Variants in MGAT4A observed in about 807,000 individuals in gnomAD.
The protein encoded by MGAT4A is alpha-1,3-mannosyl-glycoprotein 4-beta-N-acetylglucosaminyltransferase A, also known as N-acetylglucosaminyltransferase IVa.
MGAT4A carries 33 observed loss-of-function variants against 74.1 expected under a neutral mutation model. The ratio of observed to expected loss-of-function variants is 0.45; its 90% CI spans 0.34 to 0.60. The LOEUF (loss-of-function observed/expected upper bound fraction) is 0.60, where lower values mean the gene tolerates loss of function less well. Among genes scored for constraint, MGAT4A ranks in the 20% least tolerant of loss-of-function variants. The probability of loss-of-function intolerance (pLI) is 0.02; values close to 1 mark genes in which losing one functional copy is unlikely to be tolerated. For synonymous variants in MGAT4A, 198 were observed against 210.4 expected, an observed-to-expected ratio of 0.94 and a Z score of 0.51; for missense variants, 479 against 628.3, an observed-to-expected ratio of 0.76 and a Z score of 2.54.
In MGAT4A at chr2:98,623,384, C is replaced by G. The variant is rs1390145428; in HGVS notation, c.*2182G>C. The G allele has an allele frequency of 1.0e-6, 1 of 985,276 alleles. No homozygotes were observed. The highest frequency in any genetic ancestry group is 1.2e-6 in the Non-Finnish European group (1 of 829,944). 61.0% of individuals were successfully genotyped at this position (985,276 alleles called of 1,614,324 possible). A position where few individuals can be genotyped will look rare whatever the true frequency, so the allele number is the denominator to read the frequency against. ...CAGAGCATGGTCTTTCTTCATGAAACCAGAGTTGGCAACTGAGGAACCAGG... is the reference window on the plus strand; with the variant it reads ...CAGAGCATGGTCTTTCTTCATGAAAGCAGAGTTGGCAACTGAGGAACCAGG... On this transcript the variant is annotated 3_prime_UTR_variant, in exon 16 of 16. Coordinates refer to ENST00000393487, the MANE Select transcript of MGAT4A (RefSeq NM_012214.3).
intron 2 of MGAT4A, among the ~76,000 whole-genome samples, chr2:98,716,622 C>G (rs184662783): frequency 1.3e-5 from 2 of 152,296 alleles, no homozygotes; most frequent in East Asian, 3.9e-4. Flanking sequence ...GAAACTCCAT[C>G]TCAGAAAAGA....
rs899978938 is a variant in MGAT4A at position 98,622,374 on chromosome 2, G to A, written c.*3192C>T. ...TGGAATGTCACTAGTGTGTGTGATG[G>A]CAGAACCGGGTAAAAAAATGTTTTT... On this transcript the variant is annotated 3_prime_UTR_variant, in exon 16 of 16. Coordinates refer to ENST00000393487, the MANE Select transcript of MGAT4A (RefSeq NM_012214.3). The A allele has an allele frequency of 1.0e-6, 1 of 985,454 alleles. No homozygotes were observed. Among genetic ancestry groups the A allele is most frequent in the Non-Finnish European group, 1.2e-6 (1 of 829,946 alleles). The allele number at this position is 985,454 out of a possible 1,614,324, so 61.0% of individuals were successfully genotyped here.
chr2:98,636,482 T>C (rs1225401702), intron 13 of MGAT4A, 35 bp downstream of exon 13: 1 of 1,500,376 alleles, frequency 6.7e-7, no homozygotes, highest in South Asian at 1.1e-5. Context: ...TAGTATTAGT[T>C]GTTAGGGAAA....
At chr2:98,665,894 C>T (rs1176050687) in intron 4 of MGAT4A, among the ~76,000 whole-genome samples, 2 of 152,190 alleles carry the variant, frequency 1.3e-5, no homozygotes, top group African/African-American at 4.8e-5. Context: ...TCAAGAAATA[C>T]CAAGAGCAGG....
At position 98,675,085 on chromosome 2, in the gene MGAT4A, T is replaced by G; in HGVS notation, c.353A>C (p.Asn118Thr). The G allele has an allele frequency of 6.2e-7, 1 of 1,611,756 alleles. No individual in the cohort carries two copies. Among genetic ancestry groups the G allele is most frequent in the Non-Finnish European group, 8.5e-7 (1 of 1,179,402 alleles). The change falls in exon 4 of 16, where the codon AAT becomes ACT. Residue 118 changes from asparagine (N) to threonine (T), a missense_variant. By Grantham distance (65) the Asn-to-Thr change is moderately conservative (BLOSUM62 0). Around this residue, in one of 3 missense-constraint regions of MGAT4A, gnomAD observed 205 missense variants for 232.7 expected, o/e 0.88. Coordinates refer to ENST00000393487, the MANE Select transcript of MGAT4A (RefSeq NM_012214.3). ...TACAGCAGGTTGAAGACTTCCTTCATTTTTCAATAAATGAGGCAAATGATA... is the reference window on the plus strand; with the variant it reads ...TACAGCAGGTTGAAGACTTCCTTCAGTTTTCAATAAATGAGGCAAATGATA... ...IYYHLPHLLK[N>T]EGSLQPAVQI...
chr2:98,644,131 CA>C (rs971166303), intron 9 of MGAT4A, 78 bp from the exon 10 acceptor site: 2 of 1,330,136 alleles, frequency 1.5e-6, no homozygotes, highest in African/African-American at 3.0e-5. Flanking sequence ...AAATCTTGCC[CA>C]CGACATACAC....
Position 98,678,491 on chromosome 2 carries a change from A to G in MGAT4A, c.95-20T>C. ...GTTTTTCTAGAAGCAAAACCAAAAC[A>G]GTTATAGTATATGTCTTAAAACAAA... is the stretch of plus-strand genomic sequence containing the variant. On this transcript the variant is annotated intron_variant, in intron 2 of 15. Coordinates refer to ENST00000393487, the MANE Select transcript of MGAT4A (RefSeq NM_012214.3). The G allele has an allele frequency of 3.3e-6, 5 of 1,536,150 alleles. No homozygotes were observed. Among genetic ancestry groups the G allele is most frequent in the Non-Finnish European group, 4.4e-6 (5 of 1,126,694 alleles).
chr2:98,640,266 A>C, intron 10 of MGAT4A, 38 bp from the exon 11 acceptor site: 4 of 1,522,270 alleles, frequency 2.6e-6, no homozygotes, highest in Non-Finnish European at 3.6e-6. Flanking sequence ...GTTGCATCAT[A>C]AAGTGAAATC....
intron 2 of MGAT4A, among the ~76,000 whole-genome samples, chr2:98,699,336 G>GCA (rs1294016505): frequency 6.6e-6 from 1 of 152,106 alleles, no homozygotes; most frequent in Non-Finnish European, 1.5e-5. Context: ...AATAGTTTAG[G>GCA]CACACTGAGC....
intron 2 of MGAT4A, among the ~76,000 whole-genome samples, chr2:98,682,156 C>G (rs1470016875): frequency 6.6e-6 from 1 of 152,156 alleles, no homozygotes; most frequent in Non-Finnish European, 1.5e-5. Context: ...GGTGCGGTGG[C>G]TCACGCCTGT....
chr2:98,635,177 G>GT, intron 14 of MGAT4A, 45 bp downstream of exon 14: 2 of 1,417,484 alleles, frequency 1.4e-6, no homozygotes, highest in Non-Finnish European at 2.0e-6. Flanking sequence ...TACTTTAGGA[G>GT]TAAGTCCAGA....
chr2:98,693,311 G>A (rs1292607829), intron 2 of MGAT4A, among the ~76,000 whole-genome samples: 2 of 152,160 alleles, frequency 1.3e-5, no homozygotes, highest in East Asian at 3.9e-4. Flanking sequence ...ATGGCTAAAG[G>A]AAGTTCTTAA....
intron 14 of MGAT4A, 54 bp downstream of exon 14, chr2:98,635,168 A>ACTTTTCAGTT: frequency 7.5e-7 from 1 of 1,331,382 alleles, no homozygotes; most frequent in Non-Finnish European, 1.1e-6. Context: ...ACTGAAAAGT[A>ACTTTTCAGTT]CTTTAGGAGT....
intron 12 of MGAT4A, 64 bp downstream of exon 12, chr2:98,639,744 A>G: frequency 2.1e-6 from 3 of 1,435,450 alleles, no homozygotes. Context: ...AAAATCTATT[A>G]TAAATCACAT....
At chr2:98,699,756 A>C (rs1208536396) in intron 2 of MGAT4A, among the ~76,000 whole-genome samples, 2 of 152,216 alleles carry the variant, frequency 1.3e-5, no homozygotes, top group Non-Finnish European at 2.9e-5. Flanking sequence ...TACAATATGC[A>C]CAGTATGAGG....
intron 12 of MGAT4A, among the ~76,000 whole-genome samples, chr2:98,639,181 G>A (rs1295031479): frequency 4.6e-5 from 7 of 151,976 alleles, no homozygotes; most frequent in Admixed American, 2.0e-4. Context: ...CAGCTACTTC[G>A]GAGGCTGAGG....
chr2:98,699,221 T>A (rs374974674), intron 2 of MGAT4A, among the ~76,000 whole-genome samples: 4 of 152,354 alleles, frequency 2.6e-5, no homozygotes, highest in African/African-American at 9.6e-5. Context: ...TGTCAAAGGC[T>A]ATTACTGCGG....
At chr2:98,642,678 C>T (rs866889351) in intron 10 of MGAT4A, among the ~76,000 whole-genome samples, 1 of 152,126 alleles carries the variant, frequency 6.6e-6, no homozygotes, top group Non-Finnish European at 1.5e-5. Flanking sequence ...CTGTGTCCTA[C>T]AATAAAAATT....
At chr2:98,681,420 C>T (rs17448420) in intron 2 of MGAT4A, among the ~76,000 whole-genome samples, 36,014 of 152,000 alleles carry the variant, frequency 0.24, 5,048 homozygotes, top group Non-Finnish European at 0.32. Context: ...GATCAGAATA[C>T]GTTATATGGT....
Sources: gnomAD v4.1 joint callset for allele counts (sites outside exome capture counted in the v4.1 genomes callset) on GRCh38, gnomAD v4.1.1 for gene constraint, gnomAD v4.1.1 regional missense constraint, MANE v1.5 for transcripts, NCBI Gene and HGNC (gene_info 2026-07-23, HGNC 2026-07-21) for gene names.